The following TUBAL3 variants were observed in gnomAD, a reference collection of about 807,000 sequenced individuals.
The protein encoded by TUBAL3 is tubulin alpha chain-like 3.
TUBAL3 carries 16 observed loss-of-function variants against 15.5 expected under a neutral mutation model. The observed-to-expected ratio is 1.04, with a 90% CI of 0.70 to 1.57. The LOEUF (loss-of-function observed/expected upper bound fraction) is 1.57, where lower values mean the gene tolerates loss of function less well. Among genes scored for constraint, TUBAL3 ranks in the 40% most tolerant of loss-of-function variants. The pLI, the probability that TUBAL3 is intolerant of heterozygous loss-of-function variation, is 0.00. For synonymous variants in TUBAL3, 238 were observed against 224.3 expected (o/e 1.06, Z -0.55); for missense variants, 609 against 576.2 (o/e 1.06, Z -0.58).
chr10:5,394,109 C>T lies in TUBAL3; in HGVS notation c.749G>A (p.Arg250Gln), dbSNP rs560849745. Reference sequence around the variant, plus strand: ...GTCTACATTCAAGGGCCCTTCAAACCGGAGGGAGGCAGTGATGGAAGATAC... The same window carrying T: ...GTCTACATTCAAGGGCCCTTCAAACTGGAGGGAGGCAGTGATGGAAGATAC... The part of the protein sequence containing the change: ...QVVSSITASL[R>Q]FEGPLNVDLI... The change falls in exon 4 of 4, where the codon CGG (arginine) becomes CAG (glutamine). Residue 250 changes from arginine to glutamine, a missense_variant. Coordinates refer to ENST00000380419, the MANE Select transcript of TUBAL3 (RefSeq NM_024803.3). This position sits in a 1 kb window ranked among gnomAD's most constrained non-coding sequence, Gnocchi z 4.3. 32 of 1,614,186 alleles carry T rather than the reference C, an allele frequency of 2.0e-5. No individual in the cohort carries two copies. Among genetic ancestry groups the T allele is most frequent in the Admixed American group, 1.7e-4 (10 of 60,020 alleles).
chr10:5,393,478 A>G lies in TUBAL3; in HGVS notation c.*39T>C. ...TAACGGCTTGAAAAGAAAACATGCCATTTTAACTTGACATTCATTTGCACC... is the reference window on the plus strand; with the variant it reads ...TAACGGCTTGAAAAGAAAACATGCCGTTTTAACTTGACATTCATTTGCACC... On this transcript the variant is annotated 3_prime_UTR_variant, in exon 4 of 4. Coordinates refer to ENST00000380419, the MANE Select transcript of TUBAL3 (RefSeq NM_024803.3). 2.6e-6 allele frequency: 4 copies of G among 1,525,352 alleles called. No homozygotes were observed. Among genetic ancestry groups the G allele is most frequent in the Non-Finnish European group, 3.5e-6 (4 of 1,133,332 alleles). The allele number at this position is 1,525,352 out of a possible 1,614,324, so 94.5% of individuals were successfully genotyped here. A position where few individuals can be genotyped will look rare whatever the true frequency, so the allele number is the denominator to read the frequency against.
Position 5,393,843 on chromosome 10 carries a change from T to A in TUBAL3, c.1015A>T (p.Ile339Phe). The change falls in exon 4 of 4, where the codon ATC (isoleucine) becomes TTC (phenylalanine). Residue 339 changes from isoleucine to phenylalanine, a missense_variant. Coordinates refer to ENST00000380419, the MANE Select transcript of TUBAL3 (RefSeq NM_024803.3). ...GAGTGCCTCGACTTCGTGGCTGCGA[T>A]TGCTGCATTCACTTCCTTGGGGACC... ...DVVPKEVNAA[I>F]AATKSRHSVQ... 1 of 1,614,182 alleles carries A rather than the reference T, an allele frequency of 6.2e-7. No homozygotes were observed. Among genetic ancestry groups the A allele is most frequent in the Non-Finnish European group, 8.5e-7 (1 of 1,180,022 alleles).
chr10:5,399,283 G>A (rs993025489), intron 2 of TUBAL3, among the ~76,000 whole-genome samples: 8 of 152,180 alleles, frequency 5.3e-5, no homozygotes, highest in East Asian at 1.9e-4. Context: ...CAATTCATGC[G>A]TTGAATCCCT....
chr10:5,394,391 A>C lies in TUBAL3; in HGVS notation c.467T>G (p.Phe156Cys), dbSNP rs967683055. 1.9e-6 allele frequency: 3 copies of C among 1,613,970 alleles called. No homozygotes were observed. Among genetic ancestry groups the C allele is most frequent in the Non-Finnish European group, 2.5e-6 (3 of 1,180,002 alleles). The change falls in exon 4 of 4, where the codon TTT (phenylalanine) becomes TGT (cysteine). Residue 156 changes from phenylalanine to cysteine, a missense_variant. Phe to Cys is a radical substitution (Grantham distance 205). Coordinates refer to ENST00000380419, the MANE Select transcript of TUBAL3 (RefSeq NM_024803.3). This position sits in a 1 kb window ranked among gnomAD's most constrained non-coding sequence, Gnocchi z 4.3. ...GAGCCTCTCCATTAAGAGAGACGTAAACCCTGAACCAGTGCCTCCTCCAAA... is the reference window on the plus strand; with the variant it reads ...GAGCCTCTCCATTAAGAGAGACGTACACCCTGAACCAGTGCCTCCTCCAAA... ...RSFGGGTGSG[F>C]TSLLMERLTG...
In TUBAL3 at chr10:5,397,115, ACC is replaced by A. The variant is rs1554814224; in HGVS notation, c.248-1642_248-1641del. ...TTTATGCAGATTTACCTCATTATAC[ACC>A]ACCAGCCTTGGCAGCAGATAGCTGA... On this transcript the variant is annotated intron_variant, in intron 2 of 3. Coordinates refer to ENST00000380419, the MANE Select transcript of TUBAL3 (RefSeq NM_024803.3). This position sits in a 1 kb window ranked among gnomAD's most constrained non-coding sequence, Gnocchi z 4.9. Among the ~76,000 whole-genome samples the A allele has an allele frequency of 1.3e-5, 2 of 152,170 alleles. No homozygotes were observed. Among genetic ancestry groups the A allele is most frequent in the African/African-American group, 4.8e-5 (2 of 41,440 alleles).
At chr10:5,399,609 A>G (rs1554814460) in intron 2 of TUBAL3, among the ~76,000 whole-genome samples, 1 of 152,220 alleles carries the variant, frequency 6.6e-6, no homozygotes, top group Non-Finnish European at 1.5e-5. Flanking sequence ...CTTCACGTCG[A>G]AGGCAAAAAT....
At chr10:5,398,715 C>T (rs1349557906) in intron 2 of TUBAL3, among the ~76,000 whole-genome samples, 2 of 151,848 alleles carry the variant, frequency 1.3e-5, no homozygotes, top group African/African-American at 4.8e-5. Flanking sequence ...TGCATTCCCA[C>T]GCAAATTGGT....
intron 2 of TUBAL3, among the ~76,000 whole-genome samples, chr10:5,400,204 C>T (rs530327644): frequency 6.6e-6 from 1 of 152,158 alleles, no homozygotes; most frequent in East Asian, 1.9e-4. Flanking sequence ...AAGCAGCTAT[C>T]GAAAAACTTT....
chr10:5,397,491 G>A lies in TUBAL3; in HGVS notation c.248-2016C>T, dbSNP rs1393944370. Among the ~76,000 whole-genome samples, 1 of 152,170 alleles carries A rather than the reference G, an allele frequency of 6.6e-6. No individual in the cohort carries two copies. The highest frequency in any genetic ancestry group is 2.4e-5 in the African/African-American group (1 of 41,430). On this transcript the variant is annotated intron_variant, in intron 2 of 3. Coordinates refer to ENST00000380419, the MANE Select transcript of TUBAL3 (RefSeq NM_024803.3). The surrounding 1 kb of genome is among the most constrained non-coding windows in gnomAD (Gnocchi z 4.9). ...GCTTCCTTCTTCATGACAATGTTGA[G>A]TCGGGATCTTGAGGGTCAATAGGTT...
At position 5,395,249 on chromosome 10, in the gene TUBAL3, A is replaced by G; in HGVS notation, c.396+78T>C. 2 of 1,367,664 alleles carry G rather than the reference A, an allele frequency of 1.5e-6. No individual in the cohort carries two copies. Among genetic ancestry groups the G allele is most frequent in the Non-Finnish European group, 1.9e-6 (2 of 1,038,702 alleles). The allele number at this position is 1,367,664 out of a possible 1,614,324, so 84.7% of individuals were successfully genotyped here. ...CGGTTGGTGGCGATGGTGACAGCAGATAATGCTTGTGAGTTCTGCCGCAGG... is the reference window on the plus strand; with the variant it reads ...CGGTTGGTGGCGATGGTGACAGCAGGTAATGCTTGTGAGTTCTGCCGCAGG... On this transcript the variant is annotated intron_variant, in intron 3 of 3. Coordinates refer to ENST00000380419, the MANE Select transcript of TUBAL3 (RefSeq NM_024803.3). The surrounding 1 kb of genome is among the most constrained non-coding windows in gnomAD (Gnocchi z 4.6).
chr10:5,403,034 TTGTCTC>T (rs1422111968), intron 1 of TUBAL3, among the ~76,000 whole-genome samples: 40 of 152,180 alleles, frequency 2.6e-4, no homozygotes, highest in African/African-American at 8.9e-4. Flanking sequence ...CCTTTGTACT[TTGTCTC>T]TGTGATTCAC....
In TUBAL3 at chr10:5,395,434, C is replaced by A; in HGVS notation, c.289G>T (p.Glu97Ter). 6.2e-7 allele frequency: 1 copy of A among 1,601,824 alleles called. No homozygotes were observed. Among genetic ancestry groups the A allele is most frequent in the Admixed American group, 1.7e-5 (1 of 59,100 alleles). ...TGQHRSLFHPEQLLSGKEDAA... is the reference protein window; with the variant it reads ...TGQHRSLFHP Reference sequence around the variant, plus strand: ...TCCTCCTTTCCGCTAAGGAGCTGCTCGGGGTGGAAGAGTGAACGGTGCTGG... The same window carrying A: ...TCCTCCTTTCCGCTAAGGAGCTGCTAGGGGTGGAAGAGTGAACGGTGCTGG... Residue 97 changes from glutamate (E) to a stop codon, truncating the protein, a stop_gained, in exon 3 of 4, where the codon GAG (glutamate) becomes TAG (stop). Transcript: ENST00000380419. LOFTEE classifies it high-confidence loss of function. The surrounding 1 kb of genome is among the most constrained non-coding windows in gnomAD (Gnocchi z 4.6).
rs374199325 is a variant in TUBAL3, at chr10:5,404,804, C to T, written c.-12G>A. 1.5e-5 allele frequency: 24 copies of T among 1,613,462 alleles called. No homozygotes were observed. The highest frequency in any genetic ancestry group is 6.7e-5 in the East Asian group (3 of 44,874). ...TAGTCACTTACCATGCTGATGAGAA[C>T]GTGCCCTTCCTGCCCTGTAGTAATG... is the stretch of plus-strand genomic sequence containing the variant. On this transcript the variant is annotated 5_prime_UTR_variant, in exon 1 of 4. Coordinates refer to ENST00000380419, the MANE Select transcript of TUBAL3 (RefSeq NM_024803.3).
chr10:5,398,857 A>G (rs1564451727), intron 2 of TUBAL3, among the ~76,000 whole-genome samples: 1 of 152,204 alleles, frequency 6.6e-6, no homozygotes, highest in Non-Finnish European at 1.5e-5. Context: ...AGGGAGGTCA[A>G]ATTATTGGAC....
In TUBAL3 at chr10:5,394,292, A is replaced by T. The variant is rs1554813869; in HGVS notation, c.566T>A (p.Val189Glu). The part of the protein sequence containing the change: ...YPAPRISTAV[V>E]EPYNSVLTTH... The stretch of plus-strand genomic sequence containing the variant: ...GGTGAGGACAGAGTTATAAGGCTCT[A>T]CCACAGCAGTGGAGATCCTGGGGGC... Residue 189 changes from valine to glutamate, a missense_variant, in exon 4 of 4, where the codon GTA (valine) becomes GAA (glutamate). Physicochemically the swap from Val to Glu is moderately radical, Grantham distance 121. Transcript: ENST00000380419. This position sits in a 1 kb window ranked among gnomAD's most constrained non-coding sequence, Gnocchi z 4.3. 1.2e-6 allele frequency: 2 copies of T among 1,614,184 alleles called. No homozygotes were observed. The highest frequency in any genetic ancestry group is 1.7e-6 in the Non-Finnish European group (2 of 1,180,028).
At chr10:5,402,433 G>A (rs1471048112) in intron 1 of TUBAL3, among the ~76,000 whole-genome samples, 1 of 152,202 alleles carries the variant, frequency 6.6e-6, no homozygotes, top group Non-Finnish European at 1.5e-5. Flanking sequence ...AGACCCCCAT[G>A]TCTTCTGCAT....
chr10:5,403,743 CT>C (rs66723551), intron 1 of TUBAL3, among the ~76,000 whole-genome samples: 107,056 of 152,008 alleles, frequency 0.7, 38,137 homozygotes, highest in African/African-American at 0.79. Flanking sequence ...TAGCCTCTCC[CT>C]TTTTTTCCAA....
At chr10:5,399,561 G>A (rs536292279) in intron 2 of TUBAL3, among the ~76,000 whole-genome samples, 128 of 152,224 alleles carry the variant, frequency 8.4e-4, no homozygotes, top group Non-Finnish European at 1.4e-3. Flanking sequence ...GGTCCATGGT[G>A]TTCCAATACA....
chr10:5,393,453 T>C lies in TUBAL3; in HGVS notation c.*64A>G, dbSNP rs1831706704. 6.9e-7 allele frequency: 1 copy of C among 1,446,262 alleles called. No individual in the cohort carries two copies. 89.6% of individuals were successfully genotyped at this position (1,446,262 alleles called of 1,614,324 possible). On this transcript the variant is annotated 3_prime_UTR_variant, in exon 4 of 4. Coordinates refer to ENST00000380419, the MANE Select transcript of TUBAL3 (RefSeq NM_024803.3). ...TCAGGGGAACTACCCACTAGGCATA[T>C]AACGGCTTGAAAAGAAAACATGCCA...
Sources: allele counts gnomAD v4.1 joint callset (sites outside exome capture counted in the v4.1 genomes callset), GRCh38; gene constraint gnomAD v4.1.1; non-coding constraint Gnocchi (gnomAD v3.1); transcripts MANE v1.5; gene names NCBI Gene and HGNC (gene_info 2026-07-23, HGNC 2026-07-21).